Variants in NECAB2 observed in about 807,000 individuals in gnomAD.
NECAB2 encodes N-terminal EF-hand calcium binding protein 2.
NECAB2 carries 68 observed loss-of-function variants against 51.9 expected under a neutral mutation model. The observed-to-expected ratio is 1.31, with a 90% CI of 1.08 to 1.60. The LOEUF is 1.60. Ranked by LOEUF, NECAB2 falls within the 40% of genes most tolerant of loss-of-function variation. The pLI is 0.00. For missense variants in NECAB2, 854 were observed against 490.3 expected, an observed-to-expected ratio of 1.74 and a Z score of -7.00; for synonymous variants, 329 against 203.5, an observed-to-expected ratio of 1.62 and a Z score of -5.25.
intron 3 of NECAB2, among the ~76,000 whole-genome samples, chr16:83,979,191 C>G (rs1191395808): frequency 6.6e-6 from 1 of 152,208 alleles, no homozygotes; most frequent in Non-Finnish European, 1.5e-5. Context: ...ATTCCCCAGA[C>G]AGGATGAGGT....
chr16:83,988,187 G>T (rs1460418328), intron 5 of NECAB2, among the ~76,000 whole-genome samples: 2 of 152,088 alleles, frequency 1.3e-5, no homozygotes, highest in Non-Finnish European at 2.9e-5. Context: ...GGGAATTCGG[G>T]CCACCTTTTT....
Position 83,972,263 on chromosome 16 carries a change from A to C in NECAB2, c.226+88A>C, listed in dbSNP as rs1433467274. The C allele has an allele frequency of 6.9e-6, 11 of 1,584,516 alleles. No homozygotes were observed. In the East Asian group the frequency reaches 2.0e-4, roughly 29 times the overall value. On this transcript the variant is annotated intron_variant, in intron 2 of 12. Transcript: ENST00000305202. ...GGGATCAGGGATAGGAGACAAGCGC[A>C]ACCTTGAACCTAAAGGTTTGGAGTG... is the stretch of plus-strand genomic sequence containing the variant.
Position 84,002,524 on chromosome 16 carries a change from G to C in NECAB2, c.*178G>C. On this transcript the variant is annotated 3_prime_UTR_variant, in exon 13 of 13. Coordinates refer to ENST00000305202, the MANE Select transcript of NECAB2 (RefSeq NM_019065.3). ...GCCCCTGCCCCCACCTGAGAAGGCA[G>C]AGCAGTGTCTGTGCTGCCAGGTCCT... 1.3e-6 allele frequency: 1 copy of C among 789,322 alleles called. No individual in the cohort carries two copies. 48.9% of individuals were successfully genotyped at this position (789,322 alleles called of 1,614,324 possible). A position where few individuals can be genotyped will look rare whatever the true frequency, so the allele number is the denominator to read the frequency against.
chr16:83,999,572 C>T (rs749662005), intron 10 of NECAB2, among the ~76,000 whole-genome samples: 15 of 152,256 alleles, frequency 9.9e-5, no homozygotes, highest in African/African-American at 3.4e-4. Flanking sequence ...GCACTGTAGC[C>T]CCTCCTCCCC....
At chr16:83,972,987 T>TA (rs2084365702) in intron 2 of NECAB2, among the ~76,000 whole-genome samples, 1 of 152,236 alleles carries the variant, frequency 6.6e-6, no homozygotes, top group East Asian at 1.9e-4. Context: ...GGCCTTGGTT[T>TA]TCCCGTGGGT....
chr16:83,978,582 G>A, intron 3 of NECAB2, 30 bp downstream of exon 3: 1 of 1,553,610 alleles, frequency 6.4e-7, no homozygotes, highest in Non-Finnish European at 8.9e-7. Context: ...GGCAGAGTGG[G>A]GGTGTGTGTG....
At chr16:83,989,640 T>C (rs1355160107) in intron 5 of NECAB2, among the ~76,000 whole-genome samples, 1 of 152,106 alleles carries the variant, frequency 6.6e-6, no homozygotes, top group Admixed American at 6.6e-5. Context: ...CACAGCATCA[T>C]TTTCATCATC....
At chr16:83,981,170 C>CTCCAG (rs1203965014) in intron 5 of NECAB2, 43 bp downstream of exon 5, 2 of 1,542,464 alleles carry the variant, frequency 1.3e-6, no homozygotes, top group Non-Finnish European at 1.8e-6. Context: ...GGCTCCAGTG[C>CTCCAG]TGCTTCAGTT....
At position 83,996,604 on chromosome 16, in the gene NECAB2, CA is replaced by C. The variant is rs570656055; in HGVS notation, c.796-611del. On this transcript the variant is annotated intron_variant, in intron 8 of 12. Transcript: ENST00000305202. ...AGCATGAGCCTGTGCGTCAGGTAGA[CA>C]CACTGGGTTCAGACCCACGCTCTGA... 6.9e-3 allele frequency among the ~76,000 whole-genome samples: 693 copies of C among 100,380 alleles called. 2 individuals carry two copies. The highest frequency in any genetic ancestry group is 0.011 in the Non-Finnish European group (416 of 38,194). The allele number at this position is 100,380 out of a possible 152,430, so 65.9% of individuals were successfully genotyped here.
intron 8 of NECAB2, among the ~76,000 whole-genome samples, chr16:83,995,736 C>T (rs769646692): frequency 6.6e-6 from 1 of 152,118 alleles, no homozygotes; most frequent in African/African-American, 2.4e-5. Flanking sequence ...CAAGGGGCTC[C>T]CCGCATGGAG....
chr16:83,974,504 C>T (rs114510663), intron 2 of NECAB2, among the ~76,000 whole-genome samples: 292 of 152,256 alleles, frequency 1.9e-3, no homozygotes, highest in African/African-American at 6.6e-3. Flanking sequence ...GGAATTCGGT[C>T]TGGGGGAGGC....
In NECAB2 at chr16:83,996,294, C is replaced by G. The variant is rs764542262; in HGVS notation, c.796-922C>G. 2.6e-5 allele frequency among the ~76,000 whole-genome samples: 4 copies of G among 152,182 alleles called. No individual in the cohort carries two copies. In the East Asian group the frequency reaches 7.7e-4, roughly 29 times the overall value. ...TGCCAGGCACACCTTCACCACTTAC[C>G]AAGGCGTGTTCATGCTGTGTGCCCC... On this transcript the variant is annotated intron_variant, in intron 8 of 12. Transcript: ENST00000305202.
intron 10 of NECAB2, among the ~76,000 whole-genome samples, chr16:83,998,944 A>C (rs79616823): frequency 6.6e-6 from 1 of 152,146 alleles, no homozygotes; most frequent in Non-Finnish European, 1.5e-5. Context: ...GCAGAAGACA[A>C]CAGCCCTTTG....
intron 1 of NECAB2, chr16:83,971,825 G>A (rs2084349944): frequency 4.0e-6 from 2 of 502,206 alleles, no homozygotes; most frequent in African/African-American, 3.9e-5. Context: ...TTTGGCGGTG[G>A]GTGAAGCCAC....
At chr16:83,990,764 C>A (rs1216917879) in intron 6 of NECAB2, 134 bp downstream of exon 6, 1 of 1,152,976 alleles carries the variant, frequency 8.7e-7, no homozygotes, top group Non-Finnish European at 1.2e-6. Flanking sequence ...GCTCTTTGTG[C>A]CTTTGGTGCT....
At chr16:84,002,279 T>C (rs750065689) in intron 12 of NECAB2, 39 bp from the exon 13 acceptor site, 5 of 1,612,048 alleles carry the variant, frequency 3.1e-6, no homozygotes, top group Non-Finnish European at 1.7e-6. Context: ...GCTGCCCACA[T>C]TCGCACTCCT....
In NECAB2 at chr16:83,994,616, G is replaced by A. The variant is rs752134123; in HGVS notation, c.723G>A (p.Glu241=). The A allele has an allele frequency of 6.2e-7, 1 of 1,614,050 alleles. No homozygotes were observed. Among genetic ancestry groups the A allele is most frequent in the African/African-American group, 1.3e-5 (1 of 74,948 alleles). The change falls in exon 8 of 13, where the codon GAG becomes GAA. Residue 241 remains glutamate, a synonymous_variant. Transcript: ENST00000305202. ...EQGKTLPSAT[E]DAKEEGLEAQ... is the part of the protein sequence containing the mutation. ...TCTCTTTCTCTACCGCAGCCACGGAGGATGCAAAGGAAGAGGGTCTGGAAG... is the reference window on the plus strand; with the variant it reads ...TCTCTTTCTCTACCGCAGCCACGGAAGATGCAAAGGAAGAGGGTCTGGAAG...
upstream of NECAB2, chr16:83,965,189 C>T (rs762993174): frequency 2.5e-6 from 4 of 1,613,168 alleles, no homozygotes; most frequent in Non-Finnish European, 2.5e-6. Flanking sequence ...GTGGGGGACC[C>T]CCGATCCCAG....
intron 3 of NECAB2, among the ~76,000 whole-genome samples, chr16:83,979,056 G>A (rs1457563355): frequency 1.3e-5 from 2 of 152,176 alleles, no homozygotes; most frequent in Non-Finnish European, 2.9e-5. Context: ...ACCCTGACCT[G>A]CATCTCAGAA....
Sources: allele counts gnomAD v4.1 joint callset (sites outside exome capture counted in the v4.1 genomes callset), GRCh38; gene constraint gnomAD v4.1.1; transcripts MANE v1.5; gene names NCBI Gene and HGNC (gene_info 2026-07-23, HGNC 2026-07-21).